Variants in SLIT2 observed in about 807,000 individuals in gnomAD.
SLIT2 encodes the protein slit guidance ligand 2.
A neutral mutation model predicts 185.7 loss-of-function variants in SLIT2; 41 were observed. That is an observed-to-expected ratio of 0.22 (90% CI 0.17 to 0.29). The LOEUF (loss-of-function observed/expected upper bound fraction) is 0.29, where lower values mean the gene tolerates loss of function less well. Among genes scored for constraint, SLIT2 ranks in the 10% least tolerant of loss-of-function variants. The probability of loss-of-function intolerance (pLI) is 1.00; values close to 1 mark genes in which losing one functional copy is unlikely to be tolerated. For synonymous variants in SLIT2, 693 were observed against 680.2 expected, an observed-to-expected ratio of 1.02 and a Z score of -0.29; for missense variants, 1,571 against 1,909.0, an observed-to-expected ratio of 0.82 and a Z score of 3.30.
rs188951117 is a variant in SLIT2 at position 20,251,942 on chromosome 4, G to A, written c.-1874G>A. Among the ~76,000 whole-genome samples the A allele has an allele frequency of 6.6e-6, 1 of 152,152 alleles. No homozygotes were observed. The highest frequency in any genetic ancestry group is 6.5e-5 in the Admixed American group (1 of 15,286). ...TTATTTGGGAAGCGCCCGGACGGCG[G>A]AGCTTGGCGGCGGCGGTGGTGGTGG... On this transcript the variant is annotated 5_prime_UTR_variant, in exon 1 of 37. Transcript: ENST00000504154.
rs111672649 is a variant in SLIT2 at position 20,510,738 on chromosome 4, A to G, written c.986+172A>G. On this transcript the variant is annotated intron_variant, in intron 10 of 36. Coordinates refer to ENST00000504154, the MANE Select transcript of SLIT2 (RefSeq NM_004787.4). Reference sequence around the variant, plus strand: ...ATATTTTAATCTTAATATCTAAACTATGTAATTTTTAAAGGTCTGTAATTT... The same window carrying G: ...ATATTTTAATCTTAATATCTAAACTGTGTAATTTTTAAAGGTCTGTAATTT... 4.9e-3 allele frequency among the ~76,000 whole-genome samples: 746 copies of G among 152,266 alleles called. 7 individuals carry two copies. The highest frequency in any genetic ancestry group is 0.017 in the African/African-American group (716 of 41,550).
At chr4:20,257,493 T>C (rs1370971551) in intron 2 of SLIT2, among the ~76,000 whole-genome samples, 3 of 152,030 alleles carry the variant, frequency 2.0e-5, no homozygotes, top group African/African-American at 7.2e-5. Flanking sequence ...CATGTCAGAA[T>C]TGAAGTATGT....
intron 33 of SLIT2, among the ~76,000 whole-genome samples, chr4:20,607,115 C>G (rs1728848638): frequency 6.6e-6 from 1 of 152,136 alleles, no homozygotes; most frequent in South Asian, 2.1e-4. Flanking sequence ...TTCTTAGTAC[C>G]TGGCCCTTAG....
At chr4:20,258,827 C>T (rs1258354140) in intron 3 of SLIT2, among the ~76,000 whole-genome samples, 3 of 151,498 alleles carry the variant, frequency 2.0e-5, no homozygotes, top group African/African-American at 7.3e-5. Context: ...AGTTTTCATG[C>T]CTGCCTTAAT....
At chr4:20,385,986 A>C (rs1487286189) in intron 4 of SLIT2, among the ~76,000 whole-genome samples, 1 of 152,212 alleles carries the variant, frequency 6.6e-6, no homozygotes, top group African/African-American at 2.4e-5. Flanking sequence ...TAGAAACTAC[A>C]TACATTTAAT....
intron 18 of SLIT2, among the ~76,000 whole-genome samples, chr4:20,538,910 A>T (rs899970565): frequency 2.0e-5 from 3 of 152,128 alleles, no homozygotes; most frequent in African/African-American, 7.2e-5. Flanking sequence ...CATAAATAAA[A>T]TTATTCGTGT....
intron 4 of SLIT2, among the ~76,000 whole-genome samples, chr4:20,376,144 A>G (rs1477675959): frequency 7.2e-6 from 1 of 138,342 alleles, no homozygotes; most frequent in Non-Finnish European, 1.6e-5. Context: ...TTTTTTTTAC[A>G]AATCTCTTTA....
At chr4:20,495,689 G>T (rs545484019) in intron 9 of SLIT2, among the ~76,000 whole-genome samples, 2 of 152,184 alleles carry the variant, frequency 1.3e-5, no homozygotes, top group African/African-American at 2.4e-5. Context: ...AAATTTATGA[G>T]GAGAGATGAA....
chr4:20,321,381 T>C (rs942523061), intron 4 of SLIT2, among the ~76,000 whole-genome samples: 1 of 152,204 alleles, frequency 6.6e-6, no homozygotes, highest in Non-Finnish European at 1.5e-5. Flanking sequence ...TTGGCTCCCC[T>C]GCTAGCAGGA....
chr4:20,370,897 A>C (rs1430466564), intron 4 of SLIT2, among the ~76,000 whole-genome samples: 1 of 152,090 alleles, frequency 6.6e-6, no homozygotes, highest in Non-Finnish European at 1.5e-5. Flanking sequence ...TTATTATCCT[A>C]TGCTTGCCCA....
intron 4 of SLIT2, among the ~76,000 whole-genome samples, chr4:20,407,578 C>G (rs1726872655): frequency 6.6e-6 from 1 of 152,158 alleles, no homozygotes; most frequent in African/African-American, 2.4e-5. Context: ...TTTGGAGTCT[C>G]AGTAGCTTAG....
chr4:20,415,725 A>C (rs1727611885), intron 4 of SLIT2, among the ~76,000 whole-genome samples: 1 of 152,108 alleles, frequency 6.6e-6, no homozygotes, highest in African/African-American at 2.4e-5. Context: ...GGGTCAGTGC[A>C]CTCTTTCCAG....
intron 4 of SLIT2, among the ~76,000 whole-genome samples, chr4:20,467,364 A>G (rs1423550559): frequency 6.6e-6 from 1 of 152,134 alleles, no homozygotes; most frequent in African/African-American, 2.4e-5. Context: ...TTTATAAGTT[A>G]TGCCAGGGGT....
intron 9 of SLIT2, among the ~76,000 whole-genome samples, chr4:20,498,168 G>A (rs1399040964): frequency 1.3e-5 from 2 of 152,006 alleles, no homozygotes; most frequent in Admixed American, 6.6e-5. Flanking sequence ...GCGAGGCTCC[G>A]TCTCAAAAAT....
At chr4:20,543,394 A>G (rs1400134101) in intron 21 of SLIT2, among the ~76,000 whole-genome samples, 1 of 152,126 alleles carries the variant, frequency 6.6e-6, no homozygotes, top group Non-Finnish European at 1.5e-5. Flanking sequence ...CAGAATAATG[A>G]TGCTTCCATG....
intron 30 of SLIT2, among the ~76,000 whole-genome samples, chr4:20,595,242 T>C (rs997582485): frequency 6.6e-6 from 1 of 152,216 alleles, no homozygotes; most frequent in African/African-American, 2.4e-5. Flanking sequence ...GTCTCTATTG[T>C]AAAATTAAAA....
chr4:20,313,540 G>T (rs1204562629), intron 4 of SLIT2, among the ~76,000 whole-genome samples: 7 of 152,156 alleles, frequency 4.6e-5, no homozygotes, highest in Non-Finnish European at 1.0e-4. Flanking sequence ...CAGACCACAT[G>T]AGTGGCTTTC....
At chr4:20,372,210 T>C (rs1723643335) in intron 4 of SLIT2, among the ~76,000 whole-genome samples, 1 of 152,170 alleles carries the variant, frequency 6.6e-6, no homozygotes, top group Admixed American at 6.6e-5. Context: ...GGGTTGATTC[T>C]ATTTCCATTT....
intron 4 of SLIT2, among the ~76,000 whole-genome samples, chr4:20,285,628 A>C (rs1715192484): frequency 6.6e-6 from 1 of 152,066 alleles, no homozygotes. Context: ...AGCTCACTGC[A>C]ACCTATGCCT....
Sources: allele counts gnomAD v4.1 joint callset (sites outside exome capture counted in the v4.1 genomes callset), GRCh38; gene constraint gnomAD v4.1.1; transcripts MANE v1.5; gene names NCBI Gene and HGNC (gene_info 2026-07-23, HGNC 2026-07-21).